Variants in TMEM117 observed in about 807,000 individuals in gnomAD.
TMEM117 encodes transmembrane protein 117.
Under a neutral mutation model 52.4 loss-of-function variants are expected in TMEM117, and 27 were observed. That is an observed-to-expected ratio of 0.51 (90% CI 0.38 to 0.71). The LOEUF (loss-of-function observed/expected upper bound fraction) is 0.71, where lower values mean the gene tolerates loss of function less well. Ranked by LOEUF, TMEM117 falls within the 30% of genes least tolerant of loss-of-function variation. The probability of loss-of-function intolerance (pLI) is 0.00; values close to 1 mark genes in which losing one functional copy is unlikely to be tolerated. For synonymous variants in TMEM117, 215 were observed against 206.3 expected (o/e 1.04, Z -0.36); for missense variants, 556 against 630.5 (o/e 0.88, Z 1.26).
At chr12:44,214,149 T>TAA (rs1236702850) in intron 5 of TMEM117, among the ~76,000 whole-genome samples, 2 of 122,038 alleles carry the variant, frequency 1.6e-5, no homozygotes, top group African/African-American at 9.6e-5. Context: ...TTTTTTTTTT[T>TAA]TTTTTTTTTT....
chr12:43,936,116 T>C (rs945910450), intron 2 of TMEM117, among the ~76,000 whole-genome samples: 1 of 152,148 alleles, frequency 6.6e-6, no homozygotes, highest in Non-Finnish European at 1.5e-5. Context: ...TTTGACCACA[T>C]AGGATTTTAG....
intron 5 of TMEM117, among the ~76,000 whole-genome samples, chr12:44,276,883 GAA>G: frequency 6.7e-6 from 1 of 149,648 alleles, no homozygotes; most frequent in Admixed American, 6.6e-5. Context: ...TTAAATACAT[GAA>G]AAGTTTGTGT....
chr12:44,257,940 A>T (rs1347362373), intron 5 of TMEM117, among the ~76,000 whole-genome samples: 2 of 152,120 alleles, frequency 1.3e-5, no homozygotes, highest in African/African-American at 4.8e-5. Context: ...TGTTAATTTT[A>T]GTAGTATTCT....
At chr12:44,368,162 A>G (rs910418014) in intron 6 of TMEM117, among the ~76,000 whole-genome samples, 1 of 152,064 alleles carries the variant, frequency 6.6e-6, no homozygotes, top group African/African-American at 2.4e-5. Context: ...ACTCCACACA[A>G]AGGTCATCTT....
At position 44,322,204 on chromosome 12, in the gene TMEM117, G is replaced by A. The variant is rs186549352; in HGVS notation, c.768+22465G>A. 1.9e-4 allele frequency among the ~76,000 whole-genome samples: 29 copies of A among 152,290 alleles called. No homozygotes were observed. In the East Asian group the frequency reaches 4.6e-3, roughly 24 times the overall value. ...ATATCTACCCAGATGTTGTTACTTC[G>A]TAGCATGGCTCGGGTATTAGTTCTC... On this transcript the variant is annotated intron_variant, in intron 6 of 7. Transcript: ENST00000266534.
At chr12:44,249,028 T>C (rs1473204958) in intron 5 of TMEM117, 5 of 152,302 alleles carry the variant, frequency 3.3e-5, no homozygotes, top group Non-Finnish European at 5.9e-5. Flanking sequence ...TTCTGCAAGT[T>C]GTACAGGAAG....
chr12:44,251,264 C>T (rs981142499), intron 5 of TMEM117, among the ~76,000 whole-genome samples: 2 of 152,052 alleles, frequency 1.3e-5, no homozygotes, highest in Non-Finnish European at 2.9e-5. Flanking sequence ...AAAATGAAAA[C>T]AGGTCTTCTA....
chr12:44,275,874 C>G (rs551077769), intron 5 of TMEM117, among the ~76,000 whole-genome samples: 2 of 152,006 alleles, frequency 1.3e-5, no homozygotes, highest in East Asian at 3.9e-4. Flanking sequence ...TGAATAAGAC[C>G]TACTATTTTA....
chr12:43,862,851 A>G (rs1042840225), intron 2 of TMEM117, among the ~76,000 whole-genome samples: 1 of 152,182 alleles, frequency 6.6e-6, no homozygotes, highest in Non-Finnish European at 1.5e-5. Context: ...GTACATTTAT[A>G]AAACATCTGG....
At position 43,955,986 on chromosome 12, in the gene TMEM117, C is replaced by T. The variant is rs1001070935; in HGVS notation, c.410+11644C>T. On this transcript the variant is annotated intron_variant, in intron 3 of 7. Coordinates refer to ENST00000266534, the MANE Select transcript of TMEM117 (RefSeq NM_032256.3). The stretch of plus-strand genomic sequence containing the variant: ...AGAATAGAGAACTCAGAAATAAACT[C>T]GCACATCTACAACCATCTGATCTTC... Among the ~76,000 whole-genome samples, 4 of 152,060 alleles carry T rather than the reference C, an allele frequency of 2.6e-5. No homozygotes were observed. The East Asian group carries it at 7.7e-4, about 29-fold the overall frequency.
At chr12:44,025,906 C>A (rs1386521347) in intron 3 of TMEM117, among the ~76,000 whole-genome samples, 1 of 152,262 alleles carries the variant, frequency 6.6e-6, no homozygotes, top group South Asian at 2.1e-4. Flanking sequence ...TATCCGCCCC[C>A]CCCACCCATA....
chr12:43,984,557 G>A (rs1012326717), intron 3 of TMEM117, among the ~76,000 whole-genome samples: 1 of 152,068 alleles, frequency 6.6e-6, no homozygotes, highest in Non-Finnish European at 1.5e-5. Flanking sequence ...ATTTCTTTGT[G>A]ACTTACAGAA....
At chr12:44,099,286 A>T (rs1439015223) in intron 3 of TMEM117, among the ~76,000 whole-genome samples, 1 of 152,080 alleles carries the variant, frequency 6.6e-6, no homozygotes, top group Non-Finnish European at 1.5e-5. Flanking sequence ...ATTATTCCAT[A>T]CAAAATACTT....
At chr12:44,032,856 C>T (rs1307712617) in intron 3 of TMEM117, among the ~76,000 whole-genome samples, 1 of 152,142 alleles carries the variant, frequency 6.6e-6, no homozygotes, top group Non-Finnish European at 1.5e-5. Context: ...GATGGATCTT[C>T]ATCCCTCTGC....
chr12:43,945,984 A>G (rs1945125393), intron 3 of TMEM117, among the ~76,000 whole-genome samples: 1 of 152,246 alleles, frequency 6.6e-6, no homozygotes, highest in Admixed American at 6.5e-5. Context: ...CATGTTTTAT[A>G]TTTTAGTTTA....
At chr12:44,021,362 G>A (rs1946453370) in intron 3 of TMEM117, among the ~76,000 whole-genome samples, 1 of 152,050 alleles carries the variant, frequency 6.6e-6, no homozygotes, top group Admixed American at 6.6e-5. Flanking sequence ...GAGAACGTGC[G>A]ATCTGGCTTT....
chr12:43,942,505 C>T (rs1303514525), intron 2 of TMEM117, among the ~76,000 whole-genome samples: 3 of 152,034 alleles, frequency 2.0e-5, no homozygotes, highest in African/African-American at 7.3e-5. Flanking sequence ...GAACGTTTTC[C>T]ACTTTCTTCT....
At chr12:44,222,056 G>A (rs11609283) in intron 5 of TMEM117, among the ~76,000 whole-genome samples, 2 of 152,022 alleles carry the variant, frequency 1.3e-5, no homozygotes, top group African/African-American at 4.8e-5. Context: ...TAATGATGGA[G>A]GAGGGGAAGT....
At chr12:44,186,334 C>G (rs2138330384) in intron 4 of TMEM117, among the ~76,000 whole-genome samples, 1 of 152,268 alleles carries the variant, frequency 6.6e-6, no homozygotes, top group Non-Finnish European at 1.5e-5. Context: ...CTCCAGAAAG[C>G]CAGGGTTGGC....
Sources: gnomAD v4.1 joint callset for allele counts (sites outside exome capture counted in the v4.1 genomes callset) on GRCh38, gnomAD v4.1.1 for gene constraint, MANE v1.5 for transcripts, NCBI Gene and HGNC (gene_info 2026-07-23, HGNC 2026-07-21) for gene names.